TAFA5: variants seen among roughly 807,000 people sequenced by gnomAD.
TAFA5 encodes the protein TAFA chemokine like family member 5.
A neutral mutation model predicts 15.3 loss-of-function variants in TAFA5; 6 were observed. That is an observed-to-expected ratio of 0.39 (90% CI 0.21 to 0.77). TAFA5 has a LOEUF of 0.77. Among genes scored for constraint, TAFA5 ranks in the 30% least tolerant of loss-of-function variants. The pLI is 0.41. For synonymous variants in TAFA5, 103 were observed against 80.7 expected (o/e 1.28, Z -1.48); for missense variants, 161 against 193.1 (o/e 0.83, Z 0.98).
intron 2 of TAFA5, among the ~76,000 whole-genome samples, chr22:48,697,600 T>TGGC (rs1928756025): frequency 1.2e-5 from 1 of 81,132 alleles, no homozygotes; most frequent in Non-Finnish European, 2.6e-5. Context: ...ATGTTGAGGA[T>TGGC]GGTGGTGGTG....
At chr22:48,547,849 C>T (rs1009123232) in intron 1 of TAFA5, among the ~76,000 whole-genome samples, 4 of 152,204 alleles carry the variant, frequency 2.6e-5, no homozygotes, top group East Asian at 3.8e-4. Flanking sequence ...GCATTTCACA[C>T]GTGGAGAAGG....
At chr22:48,587,362 A>G (rs1402709138) in intron 1 of TAFA5, among the ~76,000 whole-genome samples, 1 of 152,138 alleles carries the variant, frequency 6.6e-6, no homozygotes, top group Non-Finnish European at 1.5e-5. Flanking sequence ...TTGGTGGTAA[A>G]GAAAGGGCTG....
intron 2 of TAFA5, among the ~76,000 whole-genome samples, chr22:48,670,651 CAG>C (rs1927773639): frequency 1.3e-5 from 2 of 152,250 alleles, no homozygotes; most frequent in South Asian, 2.1e-4. Flanking sequence ...CTCCTTGCAG[CAG>C]AGACAGGATT....
intron 3 of TAFA5, among the ~76,000 whole-genome samples, chr22:48,717,951 G>A (rs1370828559): frequency 1.3e-5 from 2 of 152,220 alleles, no homozygotes; most frequent in African/African-American, 4.8e-5. Flanking sequence ...TGCAAGGCCC[G>A]GGAGCCGTCT....
chr22:48,586,936 C>T (rs1319582737), intron 1 of TAFA5, among the ~76,000 whole-genome samples: 1 of 152,226 alleles, frequency 6.6e-6, no homozygotes, highest in Admixed American at 6.5e-5. Context: ...TGCGGGGCAG[C>T]CAAAAGGCAC....
chr22:48,667,300 A>G (rs1927650752), intron 2 of TAFA5, among the ~76,000 whole-genome samples: 2 of 149,366 alleles, frequency 1.3e-5, no homozygotes. Context: ...CGGTGTGATG[A>G]TTTACCTGTC....
intron 2 of TAFA5, among the ~76,000 whole-genome samples, chr22:48,688,462 T>G (rs142207685): frequency 7.9e-5 from 12 of 152,346 alleles, no homozygotes; most frequent in Non-Finnish European, 1.2e-4. Context: ...TTTCTCAGTG[T>G]TCTCCTGGAG....
At chr22:48,646,557 T>C in intron 1 of TAFA5, 40 bp from the exon 2 acceptor site, 1 of 1,604,252 alleles carries the variant, frequency 6.2e-7, no homozygotes, top group South Asian at 1.1e-5. Flanking sequence ...GGGGTGTCTG[T>C]AACGTGTGGC....
chr22:48,728,824 C>T (rs1366447629), intron 3 of TAFA5, among the ~76,000 whole-genome samples: 3 of 152,130 alleles, frequency 2.0e-5, no homozygotes, highest in Non-Finnish European at 4.4e-5. Context: ...TGTCATTGCA[C>T]CTTTAACAAA....
chr22:48,735,159 C>CT (rs1929973319), intron 3 of TAFA5, among the ~76,000 whole-genome samples: 1 of 152,180 alleles, frequency 6.6e-6, no homozygotes, highest in Non-Finnish European at 1.5e-5. Context: ...CACGGAGGTG[C>CT]TAAGTAACGT....
intron 1 of TAFA5, among the ~76,000 whole-genome samples, chr22:48,578,649 C>T (rs1923911092): frequency 6.6e-6 from 1 of 152,190 alleles, no homozygotes. Context: ...ATTGCGGGTC[C>T]CAGTGTTTGC....
intron 1 of TAFA5, among the ~76,000 whole-genome samples, chr22:48,529,866 C>A (rs992546497): frequency 2.0e-5 from 3 of 152,046 alleles, no homozygotes; most frequent in Non-Finnish European, 4.4e-5. Flanking sequence ...TCACAGCGAG[C>A]CTGGAAGGCA....
intron 3 of TAFA5, among the ~76,000 whole-genome samples, chr22:48,746,822 G>A (rs980385922): frequency 2.0e-4 from 31 of 152,162 alleles, no homozygotes; most frequent in African/African-American, 6.8e-4. Context: ...CCTCAGCAGA[G>A]GGTCAGCCTG....
intron 1 of TAFA5, among the ~76,000 whole-genome samples, chr22:48,570,575 T>G (rs888858369): frequency 2.0e-5 from 3 of 152,190 alleles, no homozygotes. Context: ...CACACTCAAA[T>G]TTTACTTCTT....
At chr22:48,567,667 A>T (rs1923453705) in intron 1 of TAFA5, among the ~76,000 whole-genome samples, 2 of 151,992 alleles carry the variant, frequency 1.3e-5, no homozygotes, top group Non-Finnish European at 2.9e-5. Context: ...TTCACTCAGA[A>T]CTCACCAGCT....
intron 2 of TAFA5, among the ~76,000 whole-genome samples, chr22:48,649,440 G>A (rs1421691603): frequency 6.6e-6 from 1 of 152,174 alleles, no homozygotes; most frequent in African/African-American, 2.4e-5. Flanking sequence ...GAGGCTTCTG[G>A]TGCATTTTGA....
At chr22:48,507,242 AGGG>A (rs1210887359) in intron 1 of TAFA5, among the ~76,000 whole-genome samples, 1 of 151,230 alleles carries the variant, frequency 6.6e-6, no homozygotes, top group Non-Finnish European at 1.5e-5. Flanking sequence ...ACAGTCATCA[AGGG>A]CCAGGTGTGC....
At chr22:48,565,003 C>T (rs989023190) in intron 1 of TAFA5, among the ~76,000 whole-genome samples, 1 of 152,246 alleles carries the variant, frequency 6.6e-6, no homozygotes, top group Non-Finnish European at 1.5e-5. Flanking sequence ...TGCACGGCCC[C>T]ACACCTGCTG....
intron 2 of TAFA5, among the ~76,000 whole-genome samples, chr22:48,658,276 G>A (rs55852847): frequency 0.12 from 18,989 of 152,190 alleles, 1,517 homozygotes; most frequent in Non-Finnish European, 0.19. Flanking sequence ...CGACTGCTGC[G>A]TTCCTATTAT....
Sources: allele counts gnomAD v4.1 joint callset (sites outside exome capture counted in the v4.1 genomes callset), GRCh38; gene constraint gnomAD v4.1.1; transcripts MANE v1.5; gene names NCBI Gene and HGNC (gene_info 2026-07-23, HGNC 2026-07-21).